SLC14A2: variants seen among roughly 807,000 people sequenced by gnomAD.
SLC14A2 encodes solute carrier family 14 member 2.
Under a neutral mutation model 104.6 loss-of-function variants are expected in SLC14A2, and 91 were observed. The observed-to-expected ratio is 0.87, with a 90% confidence interval of 0.73 to 1.04. SLC14A2 has a LOEUF of 1.04. SLC14A2 is among the 50% of genes least tolerant of loss of function. The probability of loss-of-function intolerance (pLI) is 0.00; values close to 1 mark genes in which losing one functional copy is unlikely to be tolerated. For synonymous variants in SLC14A2, 476 were observed against 466.4 expected (o/e 1.02, Z -0.27); for missense variants, 1,189 against 1,156.0 (o/e 1.03, Z -0.41).
At chr18:45,364,895 G>A (rs912265961) in intron 1 of SLC14A2, among the ~76,000 whole-genome samples, 1 of 152,132 alleles carries the variant, frequency 6.6e-6, no homozygotes, top group African/African-American at 2.4e-5. Flanking sequence ...CCATTCTCTG[G>A]TCACCTCTTG....
intron 2 of SLC14A2, among the ~76,000 whole-genome samples, chr18:45,549,291 GT>G (rs2044019855): frequency 1.3e-5 from 2 of 152,234 alleles, no homozygotes; most frequent in Non-Finnish European, 2.9e-5. Context: ...GGACTACGAT[GT>G]GCTGGGCTCA....
chr18:45,217,180 G>C (rs1436679872), intron 1 of SLC14A2, among the ~76,000 whole-genome samples: 1 of 150,136 alleles, frequency 6.7e-6, no homozygotes, highest in Non-Finnish European at 1.5e-5. Flanking sequence ...ACCAAATATG[G>C]AGAACACATT....
intron 2 of SLC14A2, among the ~76,000 whole-genome samples, chr18:45,601,882 T>A (rs2044795350): frequency 6.6e-6 from 1 of 152,358 alleles, no homozygotes; most frequent in Non-Finnish European, 1.5e-5. Flanking sequence ...AGCATTTTCT[T>A]TGGTCTTATC....
intron 1 of SLC14A2, among the ~76,000 whole-genome samples, chr18:45,391,782 T>C (rs1356390544): frequency 6.6e-6 from 1 of 152,236 alleles, no homozygotes; most frequent in East Asian, 1.9e-4. Context: ...TGTTTGTTTA[T>C]TTCTTGTACA....
chr18:45,472,166 T>C (rs1282359963), intron 1 of SLC14A2, among the ~76,000 whole-genome samples: 4 of 152,172 alleles, frequency 2.6e-5, no homozygotes, highest in African/African-American at 4.8e-5. Context: ...CTGAGAATGA[T>C]GGTTTCCAGC....
chr18:45,613,242 TTGATCTCC>T (rs2045001938), upstream of SLC14A2, among the ~76,000 whole-genome samples: 2 of 152,086 alleles, frequency 1.3e-5, no homozygotes, highest in African/African-American at 2.4e-5. Flanking sequence ...CACCGTGGTC[TTGATCTCC>T]TGACCTCGTG....
At chr18:45,475,972 C>T (rs1450463348) in intron 1 of SLC14A2, among the ~76,000 whole-genome samples, 2 of 151,918 alleles carry the variant, frequency 1.3e-5, no homozygotes, top group Non-Finnish European at 2.9e-5. Flanking sequence ...ACATTTAGCC[C>T]ATTTACATTT....
intron 6 of SLC14A2, among the ~76,000 whole-genome samples, chr18:45,638,913 A>G (rs1000386702): frequency 6.6e-6 from 1 of 152,132 alleles, no homozygotes; most frequent in Non-Finnish European, 1.5e-5. Flanking sequence ...CTGCCCTGCC[A>G]TTCTCCCTCC....
At chr18:45,626,278 T>G (rs2045256123) in intron 3 of SLC14A2, among the ~76,000 whole-genome samples, 1 of 152,186 alleles carries the variant, frequency 6.6e-6, no homozygotes, top group Non-Finnish European at 1.5e-5. Context: ...AAAATATTGG[T>G]ATCATCCTTC....
chr18:45,675,903 C>A (rs1476550658), intron 18 of SLC14A2, among the ~76,000 whole-genome samples: 21 of 151,704 alleles, frequency 1.4e-4, no homozygotes, highest in Admixed American at 1.4e-3. Flanking sequence ...CATTGATAGG[C>A]AACCAGGAGG....
intron 2 of SLC14A2, among the ~76,000 whole-genome samples, chr18:45,501,061 T>C (rs2043189962): frequency 6.6e-6 from 1 of 152,192 alleles, no homozygotes; most frequent in South Asian, 2.1e-4. Context: ...ATTACCTATA[T>C]TATTTCATTC....
intron 10 of SLC14A2, among the ~76,000 whole-genome samples, chr18:45,648,501 G>A (rs1441008372): frequency 2.0e-5 from 3 of 152,030 alleles, no homozygotes; most frequent in South Asian, 2.1e-4. Flanking sequence ...CACCACGCCC[G>A]GCCTAGTTAA....
chr18:45,429,592 G>A (rs773422034), intron 1 of SLC14A2, among the ~76,000 whole-genome samples: 11 of 152,176 alleles, frequency 7.2e-5, no homozygotes, highest in Non-Finnish European at 1.0e-4. Context: ...CCCATTTAGA[G>A]TCAGAGGCCT....
At chr18:45,537,439 G>A (rs1243087075) in intron 2 of SLC14A2, among the ~76,000 whole-genome samples, 1 of 152,120 alleles carries the variant, frequency 6.6e-6, no homozygotes, top group East Asian at 1.9e-4. Context: ...TAACTGGGGA[G>A]GAGAGTCCTG....
chr18:45,205,754 A>T, the SLC14A2 span, among the ~76,000 whole-genome samples: 4 of 152,224 alleles, frequency 2.6e-5, no homozygotes, highest in South Asian at 2.1e-4. Context: ...GCCTTACAGA[A>T]TGGTCCCTGG....
intron 10 of SLC14A2, 39 bp from the exon 11 acceptor site, chr18:45,663,746 A>C (rs911381852): frequency 6.2e-7 from 1 of 1,603,192 alleles, no homozygotes; most frequent in African/African-American, 1.3e-5. Flanking sequence ...GGTGCGGACT[A>C]GGTGGGACAC....
At chr18:45,650,736 G>C (rs1353792659) in intron 10 of SLC14A2, among the ~76,000 whole-genome samples, 1 of 105,402 alleles carries the variant, frequency 9.5e-6, no homozygotes, top group Non-Finnish European at 2.0e-5. Context: ...GGGTTTTTTT[G>C]TCTTGTTTTG....
At chr18:45,289,231 T>A (rs1411975340) in intron 1 of SLC14A2, among the ~76,000 whole-genome samples, 4 of 152,172 alleles carry the variant, frequency 2.6e-5, no homozygotes, top group Admixed American at 1.3e-4. Flanking sequence ...ACATTTTTAA[T>A]CTTCTTTTTT....
At chr18:45,458,890 T>A (rs1156674475) in intron 1 of SLC14A2, among the ~76,000 whole-genome samples, 4 of 152,134 alleles carry the variant, frequency 2.6e-5, no homozygotes, top group African/African-American at 7.2e-5. Flanking sequence ...AATTTACAAG[T>A]GGTTTGGTGC....
Sources: allele counts gnomAD v4.1 joint callset (sites outside exome capture counted in the v4.1 genomes callset), GRCh38; gene constraint gnomAD v4.1.1; transcripts MANE v1.5; gene names NCBI Gene and HGNC (gene_info 2026-07-23, HGNC 2026-07-21).